ACVR2B: variants seen among roughly 807,000 people sequenced by gnomAD.
ACVR2B encodes the protein activin A receptor type 2B.
A neutral mutation model predicts 65.1 loss-of-function variants in ACVR2B; 18 were observed. That is an observed-to-expected ratio of 0.28 (90% CI 0.19 to 0.41). The LOEUF (loss-of-function observed/expected upper bound fraction) is 0.41. Ranked by LOEUF, ACVR2B falls within the 10% of genes least tolerant of loss-of-function variation. The pLI is 1.00. For missense variants in ACVR2B, 482 were observed against 682.7 expected, an observed-to-expected ratio of 0.71 and a Z score of 3.28; for synonymous variants, 298 against 277.7, an observed-to-expected ratio of 1.07 and a Z score of -0.73.
chr3:38,482,694 G>C, intron 10 of ACVR2B, 134 bp downstream of exon 10: 1 of 1,294,594 alleles, frequency 7.7e-7, no homozygotes, highest in Non-Finnish European at 1.1e-6. Context: ...CTAGGGATGT[G>C]TTCCAGGGGT....
chr3:38,470,291 G>T (rs1203433819), intron 1 of ACVR2B, among the ~76,000 whole-genome samples: 1 of 152,172 alleles, frequency 6.6e-6, no homozygotes, highest in Admixed American at 6.5e-5. Context: ...CACATACCTT[G>T]TAGTGAAACT....
intron 1 of ACVR2B, among the ~76,000 whole-genome samples, chr3:38,460,286 G>C (rs1017329662): frequency 6.6e-6 from 1 of 152,072 alleles, no homozygotes; most frequent in South Asian, 2.1e-4. Flanking sequence ...CCAGACTTAC[G>C]GGTCCATCCC....
intron 1 of ACVR2B, chr3:38,476,946 G>C (rs1401829503): frequency 2.4e-6 from 1 of 417,464 alleles, no homozygotes; most frequent in South Asian, 2.9e-5. Flanking sequence ...GGAGCCTCAG[G>C]TGTTGGTGCC....
chr3:38,469,079 G>T (rs1467128930), intron 1 of ACVR2B, among the ~76,000 whole-genome samples: 2 of 152,182 alleles, frequency 1.3e-5, no homozygotes, highest in Non-Finnish European at 2.9e-5. Context: ...AAGGCAGATG[G>T]AGCTCCTCCT....
At chr3:38,468,467 C>T (rs542634972) in intron 1 of ACVR2B, among the ~76,000 whole-genome samples, 4 of 152,204 alleles carry the variant, frequency 2.6e-5, no homozygotes, top group Admixed American at 6.5e-5. Flanking sequence ...TTTGCCTGCT[C>T]CTCTTTGTCG....
intron 1 of ACVR2B, among the ~76,000 whole-genome samples, chr3:38,459,931 A>G (rs567682189): frequency 6.6e-6 from 1 of 152,106 alleles, no homozygotes; most frequent in Non-Finnish European, 1.5e-5. Context: ...GCCTGCTTCA[A>G]GCTTGGCTAG....
rs758668102 is a variant in ACVR2B, at chr3:38,479,147, G to A, written c.686G>A (p.Ser229Asn). ...CCTCAGGACAAGCAGTCGTGGCAGA[G>A]TGAACGGGAGATCTTCAGCACACCT... ...FPLQDKQSWQSEREIFSTPGM... is the reference protein window; with the variant it reads ...FPLQDKQSWQNEREIFSTPGM... Residue 229 changes from serine (S) to asparagine (N), a missense_variant, in exon 6 of 11, where the codon AGT (serine) becomes AAT (asparagine). Transcript: ENST00000352511. The A allele has an allele frequency of 6.2e-7, 1 of 1,614,192 alleles. No individual in the cohort carries two copies. The highest frequency in any genetic ancestry group is 1.1e-5 in the South Asian group (1 of 91,084).
At chr3:38,462,972 C>T (rs368457492) in intron 1 of ACVR2B, among the ~76,000 whole-genome samples, 1 of 152,128 alleles carries the variant, frequency 6.6e-6, no homozygotes, top group East Asian at 1.9e-4. Flanking sequence ...ACCTCCACAC[C>T]CCAACCCCTG....
rs2059812823 is a variant in ACVR2B, at chr3:38,491,896, C to T, written c.*8564C>T. Reference sequence around the variant, plus strand: ...TCCACACCACAAATCCACAACAATGCCATTTTTCAACTGTACAAAAATCTG... The same window carrying T: ...TCCACACCACAAATCCACAACAATGTCATTTTTCAACTGTACAAAAATCTG... On this transcript the variant is annotated 3_prime_UTR_variant, in exon 11 of 11. Coordinates refer to ENST00000352511, the MANE Select transcript of ACVR2B (RefSeq NM_001106.4). The T allele has an allele frequency of 6.6e-6, 1 of 152,158 alleles. No homozygotes were observed. Among genetic ancestry groups the T allele is most frequent in the Non-Finnish European group, 1.5e-5 (1 of 68,034 alleles). 9.4% of individuals were successfully genotyped at this position (152,158 alleles called of 1,614,324 possible).
chr3:38,482,276 G>A lies in ACVR2B; in HGVS notation c.1153G>A (p.Asp385Asn). ...CCAGAGAGATGCCTTCCTGCGCATT[G>A]ACATGTATGCCATGGGGTTGGTGCT... ...NFQRDAFLRIDMYAMGLVLWE... is the reference protein window; with the variant it reads ...NFQRDAFLRINMYAMGLVLWE... The change falls in exon 9 of 11, where the codon GAC (aspartate) becomes AAC (asparagine). Residue 385 changes from aspartate (D) to asparagine (N), a missense_variant. Coordinates refer to ENST00000352511, the MANE Select transcript of ACVR2B (RefSeq NM_001106.4). The A allele has an allele frequency of 6.2e-7, 1 of 1,613,120 alleles. No homozygotes were observed. The highest frequency in any genetic ancestry group is 8.5e-7 in the Non-Finnish European group (1 of 1,179,830).
At chr3:38,460,848 A>G (rs1709634209) in intron 1 of ACVR2B, among the ~76,000 whole-genome samples, 1 of 152,158 alleles carries the variant, frequency 6.6e-6, no homozygotes, top group African/African-American at 2.4e-5. Flanking sequence ...TTTCAGTTCC[A>G]CTCTGACAAC....
chr3:38,468,173 C>T lies in ACVR2B; in HGVS notation c.53-9114C>T, dbSNP rs143290676. Among the ~76,000 whole-genome samples the T allele has an allele frequency of 6.7e-4, 102 of 152,250 alleles. 1 individual carries two copies. Among genetic ancestry groups the T allele is most frequent in the African/African-American group, 2.0e-3 (81 of 41,538 alleles). ...GGGATTATGGGCATGAGCCACCATG[C>T]GGGCCTGATGTAAGAATTCTTAATA... is the stretch of plus-strand genomic sequence containing the variant. On this transcript the variant is annotated intron_variant, in intron 1 of 10. Coordinates refer to ENST00000352511, the MANE Select transcript of ACVR2B (RefSeq NM_001106.4).
rs2059821796 is a variant in ACVR2B, at chr3:38,492,783, CA to C, written c.*9452del. 3.4e-5 allele frequency: 3 copies of C among 87,282 alleles called. No homozygotes were observed. Among genetic ancestry groups the C allele is most frequent in the East Asian group, 4.8e-4 (1 of 2,104 alleles). The allele number at this position is 87,282 out of a possible 1,614,324, so 5.4% of individuals were successfully genotyped here. ...ACACACACACACACACACACACACA[CA>C]CACACACACACACACACACATACAC... On this transcript the variant is annotated 3_prime_UTR_variant, in exon 11 of 11. Coordinates refer to ENST00000352511, the MANE Select transcript of ACVR2B (RefSeq NM_001106.4).
At chr3:38,482,144 CTG>C in intron 8 of ACVR2B, 52 bp from the exon 9 acceptor site, 2 of 1,612,990 alleles carry the variant, frequency 1.2e-6, no homozygotes, top group Admixed American at 1.7e-5. Context: ...CATGTCCCAG[CTG>C]TGTGTGTATG....
intron 7 of ACVR2B, among the ~76,000 whole-genome samples, chr3:38,480,825 C>T (rs1182378607): frequency 6.6e-6 from 1 of 152,214 alleles, no homozygotes; most frequent in Non-Finnish European, 1.5e-5. Context: ...ACTGGGGAAA[C>T]TGAGTACCAC....
intron 1 of ACVR2B, among the ~76,000 whole-genome samples, chr3:38,458,525 C>T (rs1709587842): frequency 6.6e-6 from 1 of 152,154 alleles, no homozygotes; most frequent in African/African-American, 2.4e-5. Context: ...CACCTTGGTA[C>T]CTCACTTACT....
intron 5 of ACVR2B, 124 bp downstream of exon 5, chr3:38,478,642 A>G (rs977578798): frequency 7.3e-7 from 1 of 1,365,256 alleles, no homozygotes; most frequent in South Asian, 1.3e-5. Flanking sequence ...AGTGAGCCTT[A>G]CTGGGCCTAG....
At chr3:38,461,946 A>C (rs1466449097) in intron 1 of ACVR2B, among the ~76,000 whole-genome samples, 1 of 152,080 alleles carries the variant, frequency 6.6e-6, no homozygotes, top group Non-Finnish European at 1.5e-5. Context: ...TAATCCCAGC[A>C]CTTTGGGAGG....
Position 38,484,673 on chromosome 3 carries a change from A to G in ACVR2B, c.*1341A>G, listed in dbSNP as rs1461619563. On this transcript the variant is annotated 3_prime_UTR_variant, in exon 11 of 11. Coordinates refer to ENST00000352511, the MANE Select transcript of ACVR2B (RefSeq NM_001106.4). ...GAAACATGCTAAATTTTTTTTTTCA[A>G]ACAAAACACACACATCCACATATAC... 8.3e-6 allele frequency: 1 copy of G among 121,122 alleles called. No individual in the cohort carries two copies. Among genetic ancestry groups the G allele is most frequent in the Non-Finnish European group, 2.2e-5 (1 of 46,306 alleles). 7.5% of individuals were successfully genotyped at this position (121,122 alleles called of 1,614,324 possible). A position where few individuals can be genotyped will look rare whatever the true frequency, so the allele number is the denominator to read the frequency against.
Sources: gnomAD v4.1 joint callset for allele counts (sites outside exome capture counted in the v4.1 genomes callset) on GRCh38, gnomAD v4.1.1 for gene constraint, MANE v1.5 for transcripts, NCBI Gene and HGNC (gene_info 2026-07-23, HGNC 2026-07-21) for gene names.